The following MNAT1 variants were observed in gnomAD, a reference collection of about 807,000 sequenced individuals.
MNAT1 encodes CDK-activating kinase assembly factor MAT1.
In MNAT1, 43 loss-of-function variants were observed where a neutral mutation model predicts 42.0. The observed-to-expected ratio is 1.02, with a 90% CI of 0.80 to 1.32. MNAT1 has a LOEUF of 1.32. MNAT1 is among the 40% of genes most tolerant of loss of function. MNAT1 has a pLI of 0.00. For synonymous variants in MNAT1, 118 were observed against 120.0 expected (o/e 0.98, Z 0.11); for missense variants, 306 against 350.4 (o/e 0.87, Z 1.01).
At chr14:60,779,160 C>T (rs977512347) in intron 1 of MNAT1, among the ~76,000 whole-genome samples, 1 of 152,156 alleles carries the variant, frequency 6.6e-6, no homozygotes, top group African/African-American at 2.4e-5. Context: ...ATCATTATCA[C>T]GGTATGGACA....
intron 7 of MNAT1, among the ~76,000 whole-genome samples, chr14:60,964,058 G>A (rs560003346): frequency 6.6e-6 from 1 of 152,228 alleles, no homozygotes; most frequent in South Asian, 2.1e-4. Context: ...TTTAAAGGAA[G>A]GGAAATAGGA....
chr14:60,856,592 C>T (rs557837051), intron 6 of MNAT1, among the ~76,000 whole-genome samples: 23 of 151,966 alleles, frequency 1.5e-4, no homozygotes, highest in East Asian at 1.9e-4. Context: ...AGTCAATGCC[C>T]GGTTTCAAAG....
intron 1 of MNAT1, among the ~76,000 whole-genome samples, chr14:60,758,357 C>T (rs1258168216): frequency 6.6e-6 from 1 of 151,800 alleles, no homozygotes; most frequent in South Asian, 2.1e-4. Context: ...AAGTGTGTGC[C>T]ACTACACCTG....
chr14:60,968,578 C>T lies in MNAT1; in HGVS notation c.*229C>T, dbSNP rs1410310413. 1.6e-6 allele frequency: 2 copies of T among 1,238,476 alleles called. No individual in the cohort carries two copies. Among genetic ancestry groups the T allele is most frequent in the Non-Finnish European group, 2.2e-6 (2 of 920,108 alleles). 76.7% of individuals were successfully genotyped at this position (1,238,476 alleles called of 1,614,324 possible). A position where few individuals can be genotyped will look rare whatever the true frequency, so the allele number is the denominator to read the frequency against. On this transcript the variant is annotated 3_prime_UTR_variant, in exon 8 of 8. Transcript: ENST00000261245. Reference sequence around the variant, plus strand: ...TTTCAGAGGATTTGACACGATAAGCCTCATCTGATGGAAGAGAGGAATAAA... The same window carrying T: ...TTTCAGAGGATTTGACACGATAAGCTTCATCTGATGGAAGAGAGGAATAAA...
chr14:60,882,418 C>T (rs192652242), intron 7 of MNAT1, among the ~76,000 whole-genome samples: 1 of 152,052 alleles, frequency 6.6e-6, no homozygotes, highest in African/African-American at 2.4e-5. Context: ...GATCGCATAC[C>T]TTTTTTATGG....
At chr14:60,832,533 C>G (rs1170454198) in intron 6 of MNAT1, among the ~76,000 whole-genome samples, 1 of 152,038 alleles carries the variant, frequency 6.6e-6, no homozygotes, top group African/African-American at 2.4e-5. Context: ...TTTCATTGGT[C>G]TATATATCTG....
intron 6 of MNAT1, among the ~76,000 whole-genome samples, chr14:60,869,895 G>C (rs1475517302): frequency 6.6e-6 from 1 of 152,026 alleles, no homozygotes; most frequent in African/African-American, 2.4e-5. Context: ...TATGTGTTTA[G>C]AGTTAACACA....
intron 7 of MNAT1, 71 bp from the exon 8 acceptor site, chr14:60,968,158 A>G (rs1031071709): frequency 1.7e-5 from 20 of 1,147,114 alleles, no homozygotes; most frequent in Non-Finnish European, 2.4e-5. Context: ...CAGTTTTACT[A>G]TTGCTTTTTA....
chr14:60,884,483 G>C (rs1473483101), intron 7 of MNAT1, among the ~76,000 whole-genome samples: 1 of 151,930 alleles, frequency 6.6e-6, no homozygotes, highest in African/African-American at 2.4e-5. Flanking sequence ...TTTTGTTGAG[G>C]CTTGCAAACA....
chr14:60,932,112 T>G (rs1382035732), intron 7 of MNAT1, among the ~76,000 whole-genome samples: 2 of 152,036 alleles, frequency 1.3e-5, no homozygotes. Context: ...ATGTCTTTAA[T>G]TTTTGCTTGT....
chr14:60,949,418 T>A (rs2036340613), intron 7 of MNAT1, among the ~76,000 whole-genome samples: 1 of 152,200 alleles, frequency 6.6e-6, no homozygotes, highest in Non-Finnish European at 1.5e-5. Context: ...TCTACATTTT[T>A]AACGATAAAG....
intron 6 of MNAT1, among the ~76,000 whole-genome samples, chr14:60,836,517 T>A (rs1464997911): frequency 1.3e-5 from 2 of 152,052 alleles, no homozygotes; most frequent in Non-Finnish European, 2.9e-5. Flanking sequence ...TCTGCTGGAG[T>A]TTGTTGGAGG....
intron 1 of MNAT1, among the ~76,000 whole-genome samples, chr14:60,744,356 T>A (rs1464365997): frequency 6.6e-6 from 1 of 152,204 alleles, no homozygotes; most frequent in Non-Finnish European, 1.5e-5. Flanking sequence ...GGTCCCAAGC[T>A]CTTGACCTCA....
intron 1 of MNAT1, among the ~76,000 whole-genome samples, chr14:60,747,175 G>C (rs1594719461): frequency 6.6e-6 from 1 of 151,164 alleles, no homozygotes; most frequent in Non-Finnish European, 1.5e-5. Context: ...TAGTAGAGAT[G>C]GGGTTTCACC....
intron 7 of MNAT1, among the ~76,000 whole-genome samples, chr14:60,886,583 C>T (rs1391380410): frequency 6.6e-6 from 1 of 151,004 alleles, no homozygotes. Flanking sequence ...TCAGATATAT[C>T]AATATTAGTA....
At chr14:60,946,301 T>C (rs1171069882) in intron 7 of MNAT1, among the ~76,000 whole-genome samples, 3 of 152,220 alleles carry the variant, frequency 2.0e-5, no homozygotes, top group Non-Finnish European at 4.4e-5. Context: ...AAAAGTCTTA[T>C]ACTTGCTCTC....
At position 60,741,670 on chromosome 14, in the gene MNAT1, T is replaced by TTTTTG. The variant is rs1555371509; in HGVS notation, c.89+6723_89+6724insGTTTT. Among the ~76,000 whole-genome samples the TTTTTG allele has an allele frequency of 3.4e-5, 5 of 146,848 alleles. No homozygotes were observed. In the East Asian group the frequency reaches 6.0e-4, roughly 18 times the overall value. On this transcript the variant is annotated intron_variant, in intron 1 of 7. Coordinates refer to ENST00000261245, the MANE Select transcript of MNAT1 (RefSeq NM_002431.4). ...CACTGCGCCTGGGGTTTTTTTTTTTTTTTTTTTTTTAATTTTTAGTAGAGA... is the reference window on the plus strand; with the variant it reads ...CACTGCGCCTGGGGTTTTTTTTTTTTTTTTGTTTTTTTTTTAATTTTTAGTAGAGA...
In MNAT1 at chr14:60,812,016, T is replaced by C. The variant is rs1039483216; in HGVS notation, c.450T>C (p.Ala150=). The part of the protein sequence containing the change: ...LTREQEELEE[A]LEVERQENEQ... ...GAGAACAGGAAGAACTGGAAGAAGC[T>C]TTAGAAGTGGAACGACAGGAAAATG... The change falls in exon 5 of 8, where the codon GCT becomes GCC. Residue 150 remains alanine, a synonymous_variant. Transcript: ENST00000261245. The C allele has an allele frequency of 6.2e-6, 10 of 1,601,106 alleles. No individual in the cohort carries two copies. The highest frequency in any genetic ancestry group is 7.7e-6 in the Non-Finnish European group (9 of 1,176,360).
In MNAT1 at chr14:60,747,949, C is replaced by T. The variant is rs554838979; in HGVS notation, c.89+12998C>T. Among the ~76,000 whole-genome samples, 26 of 152,248 alleles carry T rather than the reference C, an allele frequency of 1.7e-4. No homozygotes were observed. In the East Asian group the frequency reaches 4.4e-3, roughly 26 times the overall value. On this transcript the variant is annotated intron_variant, in intron 1 of 7. Transcript: ENST00000261245. ...TGGTGGCTCACACCTGTAATCCTAG[C>T]ACTATGGGAGGCCGAGGTCGGCGGA...
Sources: gnomAD v4.1 joint callset for allele counts (sites outside exome capture counted in the v4.1 genomes callset) on GRCh38, gnomAD v4.1.1 for gene constraint, MANE v1.5 for transcripts, NCBI Gene and HGNC (gene_info 2026-07-23, HGNC 2026-07-21) for gene names.